Variants in UGT2B4 observed in about 807,000 individuals in gnomAD.
UGT2B4 encodes UDP-glucuronosyltransferase 2B4.
In UGT2B4, 49 loss-of-function variants were observed where a neutral mutation model predicts 49.8. The observed-to-expected ratio is 0.98, with a 90% CI of 0.78 to 1.25. The LOEUF (loss-of-function observed/expected upper bound fraction) is 1.25, where lower values mean the gene tolerates loss of function less well. UGT2B4 is among the 50% of genes most tolerant of loss of function. UGT2B4 has a pLI of 0.00. For missense variants in UGT2B4, 729 were observed against 627.7 expected, an observed-to-expected ratio of 1.16 and a Z score of -1.73; for synonymous variants, 246 against 217.7, an observed-to-expected ratio of 1.13 and a Z score of -1.14.
chr4:69,516,109 C>T (rs1228165949), intron 1 of UGT2B4, among the ~76,000 whole-genome samples: 1 of 152,128 alleles, frequency 6.6e-6, no homozygotes, highest in Non-Finnish European at 1.5e-5. Flanking sequence ...GTTTTCTGTT[C>T]CAACATTAAT....
At position 69,493,577 on chromosome 4, in the gene UGT2B4, C is replaced by T. The variant is rs1041401355; in HGVS notation, c.870+116G>A. 54 of 1,281,968 alleles carry T rather than the reference C, an allele frequency of 4.2e-5. No homozygotes were observed. The African/African-American group carries it at 8.0e-4, about 19-fold the overall frequency. 79.4% of individuals were successfully genotyped at this position (1,281,968 alleles called of 1,614,324 possible). ...ATGTACGTCAGTTTCTAATTGGTAT[C>T]TGCTTTACTCTTCCCACTTCCACCT... On this transcript the variant is annotated intron_variant, in intron 2 of 5. Transcript: ENST00000305107.
chr4:69,513,796 A>G (rs993124895), intron 1 of UGT2B4, among the ~76,000 whole-genome samples: 10 of 151,996 alleles, frequency 6.6e-5, no homozygotes, highest in Admixed American at 3.9e-4. Flanking sequence ...CACTCTCCTT[A>G]TTAACTATAT....
chr4:69,497,497 T>C (rs949954769), upstream of UGT2B4, among the ~76,000 whole-genome samples: 1 of 152,192 alleles, frequency 6.6e-6, no homozygotes, highest in Non-Finnish European at 1.5e-5. Context: ...AGAGTGGGCA[T>C]ATGAACCTGT....
intron 1 of UGT2B4, 146 bp from the exon 2 acceptor site, chr4:69,493,987 T>A (rs1728072566): frequency 5.8e-6 from 5 of 864,178 alleles, no homozygotes; most frequent in Non-Finnish European, 8.4e-6. Flanking sequence ...TATATAGGCA[T>A]AATTTAATTT....
chr4:69,489,447 G>C lies in UGT2B4; in HGVS notation c.994C>G (p.Pro332Ala), dbSNP rs372616471. 1 of 1,610,564 alleles carries C rather than the reference G, an allele frequency of 6.2e-7. No homozygotes were observed. Among genetic ancestry groups the C allele is most frequent in the East Asian group, 2.2e-5 (1 of 44,776 alleles). ...NVIASALAKI[P>A]QKVLWRFDGN... is the part of the protein sequence containing the mutation. ...AAAACATTTTATCTTACCTTTTGTG[G>C]GATCTTGGCAAGGGCTGATGCAATT... The change falls in exon 3 of 6, where the codon CCA becomes GCA. Residue 332 changes from proline to alanine, a missense_variant. By Grantham distance (27) the Pro-to-Ala change is conservative. Coordinates refer to ENST00000305107, the MANE Select transcript of UGT2B4 (RefSeq NM_021139.3).
chr4:69,521,456 T>C (rs1728847537), intron 1 of UGT2B4, among the ~76,000 whole-genome samples: 1 of 152,188 alleles, frequency 6.6e-6, no homozygotes, highest in South Asian at 2.1e-4. Flanking sequence ...CTGTGTGCAG[T>C]ACGTCTGGTC....
In UGT2B4 at chr4:69,480,796, G is replaced by T. The variant is rs1365190372; in HGVS notation, c.1425C>A (p.His475Gln). 1.2e-6 allele frequency: 2 copies of T among 1,613,806 alleles called. No homozygotes were observed. The highest frequency in any genetic ancestry group is 2.2e-5 in the East Asian group (1 of 44,882). ...EFVMRHKGAK[H>Q]LRVAAHDLTW... is the part of the protein sequence containing the mutation. ...TGAGGTCGTGGGCTGCAACCCGAAG[G>T]TGCTTGGCTCCTTTATGGCGCATGA... Residue 475 changes from histidine (H) to glutamine (Q), a missense_variant, in exon 6 of 6, where the codon CAC (histidine) becomes CAA (glutamine). His to Gln is a conservative substitution (Grantham distance 24). Coordinates refer to ENST00000305107, the MANE Select transcript of UGT2B4 (RefSeq NM_021139.3).
intron 5 of UGT2B4, among the ~76,000 whole-genome samples, chr4:69,482,443 C>G (rs1727622362): frequency 6.6e-6 from 1 of 152,156 alleles, no homozygotes. Flanking sequence ...CACTATCTCT[C>G]AGATCATGAT....
chr4:69,485,545 T>C (rs2109804773), intron 4 of UGT2B4, 118 bp from the exon 5 acceptor site: 1 of 1,402,110 alleles, frequency 7.1e-7, no homozygotes, highest in Non-Finnish European at 9.9e-7. Flanking sequence ...ATTAAAATTG[T>C]TTTTGAGACT....
chr4:69,483,484 G>T lies in UGT2B4; in HGVS notation c.1310+1724C>A, dbSNP rs41297723. ...TTATTTGGTCTTATTTTTCAGGTCA[G>T]TTTAGATTTAATGGAAGTATCTGTA... On this transcript the variant is annotated intron_variant, in intron 5 of 5. Transcript: ENST00000305107. Among the ~76,000 whole-genome samples, 1,316 of 152,176 alleles carry T rather than the reference G, an allele frequency of 8.6e-3. 13 individuals carry two copies. Among genetic ancestry groups the T allele is most frequent in the African/African-American group, 0.03 (1,234 of 41,534 alleles).
At position 69,495,161 on chromosome 4, in the gene UGT2B4, T is replaced by C. The variant is rs1728107387; in HGVS notation, c.701A>G (p.Gln234Arg). 1.3e-6 allele frequency: 2 copies of C among 1,566,836 alleles called. No homozygotes were observed. The highest frequency in any genetic ancestry group is 2.0e-5 in the Admixed American group (1 of 50,456). Residue 234 changes from glutamine (Q) to arginine (R), a missense_variant, in exon 1 of 6, where the codon CAG (glutamine) becomes CGG (arginine). Transcript: ENST00000305107. ...CTTACCTAGAACTTCACTGTAGAAC[T>C]GATCCCACTTCTTCATGTCAAATAT... Reference protein sequence around the residue: ...FQIFDMKKWDQFYSEVLGRPT... With the variant: ...FQIFDMKKWDRFYSEVLGRPT...
intron 1 of UGT2B4, among the ~76,000 whole-genome samples, chr4:69,513,997 TA>T (rs1272141056): frequency 3.1e-5 from 4 of 129,262 alleles, no homozygotes; most frequent in Admixed American, 7.5e-5. Context: ...GGTTTTATTT[TA>T]TTTTTTTTTA....
chr4:69,490,672 G>A (rs41297383), intron 2 of UGT2B4, among the ~76,000 whole-genome samples: 1,817 of 152,202 alleles, frequency 0.012, 32 homozygotes, highest in African/African-American at 0.042. Context: ...GATTCCAAAT[G>A]TTTATTTGCA....
chr4:69,525,777 C>CATA, exon 1 of UGT2B4: 1 of 1,196,380 alleles, frequency 8.4e-7, no homozygotes, highest in Non-Finnish European at 1.1e-6. Flanking sequence ...TATATTTAAA[C>CATA]AAGTTGACTA....
chr4:69,499,538 G>T (rs1046941050), upstream of UGT2B4, among the ~76,000 whole-genome samples: 1 of 152,148 alleles, frequency 6.6e-6, no homozygotes, highest in Admixed American at 6.5e-5. Context: ...TCATGAGTCT[G>T]GGTGCTTCTG....
chr4:69,510,354 T>C (rs1212685972), intron 1 of UGT2B4, among the ~76,000 whole-genome samples: 3 of 152,180 alleles, frequency 2.0e-5, no homozygotes, highest in Admixed American at 6.5e-5. Context: ...TAATGAGCAG[T>C]CATGGCTCAT....
intron 5 of UGT2B4, among the ~76,000 whole-genome samples, chr4:69,483,382 ATG>A (rs1006553538): frequency 4.6e-5 from 7 of 151,988 alleles, no homozygotes; most frequent in East Asian, 1.9e-4. Flanking sequence ...TGAGTTATAT[ATG>A]TGTGTGTGTG....
At chr4:69,496,978 G>T (rs1371227122), upstream of UGT2B4, among the ~76,000 whole-genome samples, 1 of 151,398 alleles carries the variant, frequency 6.6e-6, no homozygotes, top group East Asian at 1.9e-4. Context: ...AACCAAGCCT[G>T]TAGTACATTC....
chr4:69,505,212 C>T (rs1728437118), intron 1 of UGT2B4, among the ~76,000 whole-genome samples: 1 of 151,720 alleles, frequency 6.6e-6, no homozygotes, highest in African/African-American at 2.4e-5. Context: ...GGATCAAATC[C>T]ACACATATCA....
Sources: allele counts gnomAD v4.1 joint callset (sites outside exome capture counted in the v4.1 genomes callset), GRCh38; gene constraint gnomAD v4.1.1; transcripts MANE v1.5; gene names NCBI Gene and HGNC (gene_info 2026-07-23, HGNC 2026-07-21).